Variants in RPA1 observed in about 807,000 individuals in gnomAD.
RPA1 encodes the protein replication protein A 70 kDa DNA-binding subunit.
A neutral mutation model predicts 83.0 loss-of-function variants in RPA1; 49 were observed. The observed-to-expected ratio is 0.59, with a 90% CI of 0.47 to 0.75. RPA1 has a LOEUF of 0.75. Among genes scored for constraint, RPA1 ranks in the 30% least tolerant of loss-of-function variants. The probability of loss-of-function intolerance (pLI) is 0.00; values close to 1 mark genes in which losing one functional copy is unlikely to be tolerated. For synonymous variants in RPA1, 279 were observed against 281.8 expected (o/e 0.99, Z 0.10); for missense variants, 693 against 776.1 (o/e 0.89, Z 1.27).
At chr17:1,858,349 A>G (rs1912799985) in intron 5 of RPA1, 5 of 1,607,328 alleles carry the variant, frequency 3.1e-6, no homozygotes, top group Admixed American at 3.3e-5. Flanking sequence ...GCAGATGGAC[A>G]TCGCCATGGG....
chr17:1,838,297 AT>A (rs1911900402), intron 1 of RPA1, among the ~76,000 whole-genome samples: 1 of 149,584 alleles, frequency 6.7e-6, no homozygotes, highest in African/African-American at 2.5e-5. Flanking sequence ...TCTCAAAAAA[AT>A]AATTAAATAA....
rs190077273 is a variant in RPA1, at chr17:1,868,665, G to A, written c.362-3769G>A. ...GGGTACCTGTAATCCCAGCTACTTGGGAGACTGAGGTTGCAGTGAGTTGAG... is the reference window on the plus strand; with the variant it reads ...GGGTACCTGTAATCCCAGCTACTTGAGAGACTGAGGTTGCAGTGAGTTGAG... On this transcript the variant is annotated intron_variant, in intron 5 of 16. Coordinates refer to ENST00000254719, the MANE Select transcript of RPA1 (RefSeq NM_002945.5). Among the ~76,000 whole-genome samples the A allele has an allele frequency of 2.1e-3, 321 of 152,208 alleles. 6 individuals carry two copies. The South Asian group carries it at 0.027, about 13-fold the overall frequency.
rs17338586 is a variant in RPA1 at position 1,843,952 on chromosome 17, G to T, written c.117G>T (p.Pro39=). The change falls in exon 3 of 17, where the codon CCG becomes CCT. Residue 39 remains proline, a synonymous_variant. Transcript: ENST00000254719. The stretch of plus-strand genomic sequence containing the variant: ...GTCCCATTACTACGGGGAATAGTCC[G>T]CCGCGTTATCGACTGCTCATGAGTG... The part of the protein sequence containing the change: ...NIRPITTGNS[P]PRYRLLMSDG... 7 of 1,613,716 alleles carry T rather than the reference G, an allele frequency of 4.3e-6. No homozygotes were observed. Among genetic ancestry groups the T allele is most frequent in the African/African-American group, 2.7e-5 (2 of 74,868 alleles).
intron 5 of RPA1, among the ~76,000 whole-genome samples, chr17:1,865,313 G>GT (rs1159586112): frequency 6.6e-6 from 1 of 152,288 alleles, no homozygotes; most frequent in Non-Finnish European, 1.5e-5. Context: ...TCATACCAAA[G>GT]TTTTTGCCTA....
Position 1,858,582 on chromosome 17 carries a change from G to A in RPA1, c.361+5393G>A, listed in dbSNP as rs549174266. The A allele has an allele frequency of 2.4e-5, 15 of 625,448 alleles. No individual in the cohort carries two copies. The East Asian group carries it at 3.9e-4, about 16-fold the overall frequency. 38.7% of individuals were successfully genotyped at this position (625,448 alleles called of 1,614,324 possible). On this transcript the variant is annotated intron_variant, in intron 5 of 16. Transcript: ENST00000254719. ...GGGTTCAAGCGATCCTCCCACATCA[G>A]CCTCCTGAGTAGCTGGGACTATTGG...
chr17:1,852,058 C>T (rs927926286), intron 4 of RPA1, among the ~76,000 whole-genome samples: 2 of 152,208 alleles, frequency 1.3e-5, no homozygotes, highest in African/African-American at 2.4e-5. Context: ...ATTCAGGCCT[C>T]TGTCATTTTG....
intron 12 of RPA1, among the ~76,000 whole-genome samples, chr17:1,883,032 A>G (rs1913854512): frequency 1.3e-5 from 2 of 152,058 alleles, no homozygotes; most frequent in East Asian, 1.9e-4. Flanking sequence ...TCTTCAGTAG[A>G]CTTTGGGCCA....
At chr17:1,835,558 A>G (rs1419586108) in intron 1 of RPA1, among the ~76,000 whole-genome samples, 1 of 151,668 alleles carries the variant, frequency 6.6e-6, no homozygotes, top group Admixed American at 6.6e-5. Flanking sequence ...CTTCCACCCA[A>G]CCTTCCCCTT....
intron 1 of RPA1, among the ~76,000 whole-genome samples, chr17:1,839,063 C>T (rs1388008077): frequency 3.9e-5 from 6 of 152,160 alleles, no homozygotes; most frequent in Non-Finnish European, 5.9e-5. Context: ...CCGTGTTAGC[C>T]GGGATGGTCC....
intron 12 of RPA1, among the ~76,000 whole-genome samples, chr17:1,882,783 C>T (rs191012724): frequency 6.6e-6 from 1 of 152,308 alleles, no homozygotes; most frequent in African/African-American, 2.4e-5. Context: ...CGGTGATGAT[C>T]ACCACGCAGC....
intron 1 of RPA1, among the ~76,000 whole-genome samples, chr17:1,831,886 A>G (rs1597411524): frequency 7.5e-6 from 1 of 133,212 alleles, no homozygotes; most frequent in South Asian, 2.4e-4. Context: ...GGCGTGAGCC[A>G]CTGTGCCCGG....
At chr17:1,875,555 G>A in intron 6 of RPA1, 106 bp from the exon 7 acceptor site, 1 of 1,215,702 alleles carries the variant, frequency 8.2e-7, no homozygotes, top group Non-Finnish European at 1.1e-6. Context: ...CATGTTATAT[G>A]ATTTCACTAG....
chr17:1,883,683 C>T, intron 12 of RPA1, 129 bp from the exon 13 acceptor site: 1 of 1,060,496 alleles, frequency 9.4e-7, no homozygotes, highest in Admixed American at 1.9e-5. Flanking sequence ...GCCGACATGA[C>T]CGTGACCTGT....
In RPA1 at chr17:1,883,450, T is replaced by G. The variant is rs17292210; in HGVS notation, c.1242-362T>G. ...TGCTGGGGTTACAGGCATGAGCCAC[T>G]GCGCCCAGCCTAAAAAAAATTTTTT... is the stretch of plus-strand genomic sequence containing the variant. On this transcript the variant is annotated intron_variant, in intron 12 of 16. Transcript: ENST00000254719. 6.8e-3 allele frequency among the ~76,000 whole-genome samples: 1,035 copies of G among 152,172 alleles called. 14 individuals carry two copies. The highest frequency in any genetic ancestry group is 0.024 in the African/African-American group (977 of 41,506).
rs1180376121 is a variant in RPA1 at position 1,874,012 on chromosome 17, AATAT to A, written c.454+1504_454+1507del. On this transcript the variant is annotated intron_variant, in intron 6 of 16. Transcript: ENST00000254719. ...TGTCTCAAAAAAAAAAAAAAAAAAAAATATATATATATATATATATACACACACA... is the reference window on the plus strand; with the variant it reads ...TGTCTCAAAAAAAAAAAAAAAAAAAAATATATATATATATATACACACACA... 4.6e-3 allele frequency among the ~76,000 whole-genome samples: 432 copies of A among 93,716 alleles called. 3 individuals carry two copies. Among genetic ancestry groups the A allele is most frequent in the Non-Finnish European group, 6.2e-3 (327 of 53,038 alleles). The allele number at this position is 93,716 out of a possible 152,430, so 61.5% of individuals were successfully genotyped here.
chr17:1,886,476 C>T (rs532289283), intron 13 of RPA1, among the ~76,000 whole-genome samples: 3 of 152,278 alleles, frequency 2.0e-5, no homozygotes, highest in East Asian at 1.9e-4. Context: ...CTCTCTAGGA[C>T]GAATGTTCTT....
intron 15 of RPA1, among the ~76,000 whole-genome samples, chr17:1,892,782 C>CT (rs1914252815): frequency 6.6e-6 from 1 of 152,206 alleles, no homozygotes; most frequent in Non-Finnish European, 1.5e-5. Flanking sequence ...CGTAAGGTAA[C>CT]TTTGTCCATT....
chr17:1,880,904 G>A (rs985399335), intron 12 of RPA1, among the ~76,000 whole-genome samples: 1 of 152,178 alleles, frequency 6.6e-6, no homozygotes, highest in African/African-American at 2.4e-5. Context: ...CTAGAGAGTC[G>A]GAGGAGGCAA....
At chr17:1,843,587 A>T (rs1192175319) in intron 2 of RPA1, among the ~76,000 whole-genome samples, 1 of 134,824 alleles carries the variant, frequency 7.4e-6, no homozygotes, top group Admixed American at 7.9e-5. Flanking sequence ...CCTTGTGTAT[A>T]TTGGGTGCTT....
Sources: allele counts gnomAD v4.1 joint callset (sites outside exome capture counted in the v4.1 genomes callset), GRCh38; gene constraint gnomAD v4.1.1; transcripts MANE v1.5; gene names NCBI Gene and HGNC (gene_info 2026-07-23, HGNC 2026-07-21).